The following GULP1 variants were observed in gnomAD, a reference collection of about 807,000 sequenced individuals.
GULP1 encodes the protein PTB domain-containing engulfment adapter protein 1.
A neutral mutation model predicts 40.9 loss-of-function variants in GULP1; 19 were observed. That is an observed-to-expected ratio of 0.46 (90% CI 0.32 to 0.68). The LOEUF (loss-of-function observed/expected upper bound fraction) is 0.68. Ranked by LOEUF, GULP1 falls within the 30% of genes least tolerant of loss-of-function variation. GULP1 has a pLI of 0.03. For missense variants in GULP1, 312 were observed against 362.2 expected (o/e 0.86, Z 1.12); for synonymous variants, 119 against 117.6 (o/e 1.01, Z -0.08).
At chr2:188,571,388 CA>C (rs1699002270) in intron 9 of GULP1, among the ~76,000 whole-genome samples, 1 of 152,040 alleles carries the variant, frequency 6.6e-6, no homozygotes, top group Non-Finnish European at 1.5e-5. Context: ...GGAAATGGGT[CA>C]AAAAATGATT....
chr2:188,428,583 G>C (rs975898264), intron 2 of GULP1, among the ~76,000 whole-genome samples: 32 of 152,218 alleles, frequency 2.1e-4, no homozygotes, highest in Middle Eastern at 3.4e-3. Flanking sequence ...ATGGCACCTC[G>C]TTCTTCTCTC....
Position 188,415,155 on chromosome 2 carries a change from C to A in GULP1, c.-45+31266C>A, listed in dbSNP as rs561217554. ...TTTACTATAGATTAATATGATACTG[C>A]TAATTTTCTTCAAAAGTCCTTTGGA... On this transcript the variant is annotated intron_variant, in intron 2 of 11. Coordinates refer to ENST00000409830, the MANE Select transcript of GULP1 (RefSeq NM_016315.4). Among the ~76,000 whole-genome samples, 89 of 152,098 alleles carry A rather than the reference C, an allele frequency of 5.9e-4. 5 individuals carry two copies. The highest frequency in any genetic ancestry group is 4.4e-5 in the Non-Finnish European group (3 of 68,016).
chr2:188,389,529 CTT>C (rs1194771450), intron 2 of GULP1, among the ~76,000 whole-genome samples: 2 of 152,134 alleles, frequency 1.3e-5, no homozygotes, highest in Non-Finnish European at 1.5e-5. Flanking sequence ...TATTATGAGT[CTT>C]AGTGTAATGG....
intron 4 of GULP1, among the ~76,000 whole-genome samples, chr2:188,513,733 C>T (rs973200342): frequency 3.9e-5 from 6 of 152,128 alleles, no homozygotes; most frequent in Non-Finnish European, 7.4e-5. Context: ...AAGACACACA[C>T]TTGTACTCAT....
intron 1 of GULP1, among the ~76,000 whole-genome samples, chr2:188,336,437 A>T (rs1216893566): frequency 1.3e-5 from 2 of 152,230 alleles, no homozygotes; most frequent in Non-Finnish European, 2.9e-5. Flanking sequence ...ATACTGTTCT[A>T]GGTGCTGAAG....
chr2:188,402,965 T>A (rs2152658358), intron 2 of GULP1, among the ~76,000 whole-genome samples: 1 of 152,316 alleles, frequency 6.6e-6, no homozygotes, highest in African/African-American at 2.4e-5. Context: ...TAAGGTCCAA[T>A]GGCAAAGATG....
intron 5 of GULP1, among the ~76,000 whole-genome samples, chr2:188,527,927 A>C (rs1575802316): frequency 6.6e-6 from 1 of 152,182 alleles, no homozygotes; most frequent in East Asian, 1.9e-4. Context: ...AGAGGACTAG[A>C]ACGCTGTCTT....
At chr2:188,587,279 G>T (rs1702584222) in intron 10 of GULP1, among the ~76,000 whole-genome samples, 1 of 152,058 alleles carries the variant, frequency 6.6e-6, no homozygotes, top group Non-Finnish European at 1.5e-5. Flanking sequence ...GTATTTCTGG[G>T]ATAGGAGGCA....
In GULP1 at chr2:188,522,706, A is replaced by G. The variant is rs182840398; in HGVS notation, c.91-50A>G. On this transcript the variant is annotated intron_variant, in intron 4 of 11. Transcript: ENST00000409830. ...CAATCTTATATTTCAACATGATGCA[A>G]TGATATATGATATGGTAAAAGCCTG... 98 of 1,081,718 alleles carry G rather than the reference A, an allele frequency of 9.1e-5. No homozygotes were observed. In the African/African-American group the frequency reaches 1.3e-3, roughly 14 times the overall value. The allele number at this position is 1,081,718 out of a possible 1,614,324, so 67.0% of individuals were successfully genotyped here.
At chr2:188,433,569 G>C (rs1295910782) in intron 2 of GULP1, among the ~76,000 whole-genome samples, 2 of 152,072 alleles carry the variant, frequency 1.3e-5, no homozygotes, top group East Asian at 3.9e-4. Flanking sequence ...GGCTCAGGAC[G>C]ACTAACAGTT....
chr2:188,471,322 A>G (rs1260554254), intron 2 of GULP1, among the ~76,000 whole-genome samples: 1 of 151,042 alleles, frequency 6.6e-6, no homozygotes, highest in South Asian at 2.1e-4. Context: ...TTGTTTAGTT[A>G]GTCTATGTCT....
At chr2:188,369,704 C>T (rs545969814) in intron 1 of GULP1, among the ~76,000 whole-genome samples, 29 of 152,292 alleles carry the variant, frequency 1.9e-4, no homozygotes, top group Non-Finnish European at 2.8e-4. Flanking sequence ...TATTCATGAA[C>T]TCTACTGCTT....
intron 4 of GULP1, among the ~76,000 whole-genome samples, chr2:188,509,670 G>T (rs1233922489): frequency 1.3e-5 from 2 of 151,994 alleles, no homozygotes; most frequent in Non-Finnish European, 2.9e-5. Flanking sequence ...ATGGGAGGAG[G>T]TTTTCTTAAA....
At chr2:188,325,729 ACT>A (rs768368603) in intron 1 of GULP1, among the ~76,000 whole-genome samples, 34 of 152,030 alleles carry the variant, frequency 2.2e-4, no homozygotes, top group Non-Finnish European at 4.3e-4. Flanking sequence ...AATGGCAGTA[ACT>A]CTCATGGGGC....
chr2:188,442,670 C>T (rs1288864539), intron 2 of GULP1, among the ~76,000 whole-genome samples: 1 of 152,144 alleles, frequency 6.6e-6, no homozygotes, highest in Non-Finnish European at 1.5e-5. Context: ...ATTTATCCAA[C>T]TCTGTTTCCT....
In GULP1 at chr2:188,311,807, T is replaced by G. The variant is rs770392557; in HGVS notation, c.-172+19641T>G. ...AATAAATTTAATATTTGTATGCATA[T>G]ACTTATACGTATAAGTATATACATA... On this transcript the variant is annotated intron_variant, in intron 1 of 11. Transcript: ENST00000409830. Among the ~76,000 whole-genome samples the G allele has an allele frequency of 1.8e-3, 269 of 148,026 alleles. 15 individuals are homozygous for G. Among genetic ancestry groups the G allele is most frequent in the Non-Finnish European group, 1.8e-3 (122 of 67,148 alleles).
intron 1 of GULP1, among the ~76,000 whole-genome samples, chr2:188,372,560 A>T (rs1206947332): frequency 6.6e-6 from 1 of 152,028 alleles, no homozygotes; most frequent in Non-Finnish European, 1.5e-5. Context: ...AAGTGTTTTC[A>T]TACATGAACT....
At chr2:188,584,465 T>A (rs1701960278) in intron 10 of GULP1, 62 bp downstream of exon 10, 1 of 887,984 alleles carries the variant, frequency 1.1e-6, no homozygotes, top group Non-Finnish European at 1.7e-6. Flanking sequence ...AATATATAAT[T>A]AAGACTTTGT....
At chr2:188,380,874 G>T (rs2048925653) in intron 1 of GULP1, among the ~76,000 whole-genome samples, 1 of 152,050 alleles carries the variant, frequency 6.6e-6, no homozygotes, top group African/African-American at 2.4e-5. Flanking sequence ...GAAGCATTTT[G>T]TCATATTGCA....
Sources: gnomAD v4.1 joint callset for allele counts (sites outside exome capture counted in the v4.1 genomes callset) on GRCh38, gnomAD v4.1.1 for gene constraint, MANE v1.5 for transcripts, NCBI Gene and HGNC (gene_info 2026-07-23, HGNC 2026-07-21) for gene names.